Variants in STK31 observed in about 807,000 individuals in gnomAD.
STK31 encodes the protein serine/threonine-protein kinase 31.
In STK31, 89 loss-of-function variants were observed where a neutral mutation model predicts 129.7. The ratio of observed to expected loss-of-function variants is 0.69; its 90% CI spans 0.58 to 0.82. The LOEUF (loss-of-function observed/expected upper bound fraction) is 0.82. Ranked by LOEUF, STK31 falls within the 40% of genes least tolerant of loss-of-function variation. The pLI, the probability that STK31 is intolerant of heterozygous loss-of-function variation, is 0.00. For missense variants in STK31, 1,187 were observed against 1,176.4 expected (o/e 1.01, Z -0.13); for synonymous variants, 448 against 395.3 (o/e 1.13, Z -1.58).
chr7:23,752,259 A>G (rs768023006), intron 8 of STK31, among the ~76,000 whole-genome samples: 2 of 152,180 alleles, frequency 1.3e-5, no homozygotes, highest in Non-Finnish European at 2.9e-5. Context: ...TGAAGCCTTC[A>G]TTCTTTATTT....
intron 4 of STK31, among the ~76,000 whole-genome samples, chr7:23,720,538 C>T (rs1290486056): frequency 1.3e-5 from 2 of 151,982 alleles, no homozygotes; most frequent in African/African-American, 4.8e-5. Flanking sequence ...ATTCTAAATA[C>T]ACTTTTAAAA....
chr7:23,741,788 A>G (rs949332242), intron 8 of STK31, among the ~76,000 whole-genome samples: 7 of 152,194 alleles, frequency 4.6e-5, no homozygotes, highest in Admixed American at 4.6e-4. Context: ...ACTCAAGTGT[A>G]AGTCTCACAG....
chr7:23,820,361 C>T (rs1793725966), intron 23 of STK31, among the ~76,000 whole-genome samples: 1 of 152,158 alleles, frequency 6.6e-6, no homozygotes, highest in African/African-American at 2.4e-5. Context: ...GATGTGGAAA[C>T]TGCAGATAGG....
chr7:23,725,116 T>A (rs1322402460), intron 4 of STK31, among the ~76,000 whole-genome samples: 2 of 152,148 alleles, frequency 1.3e-5, no homozygotes, highest in Non-Finnish European at 2.9e-5. Context: ...ATATAATAAC[T>A]ATGTTATCAG....
chr7:23,767,179 C>T (rs991190911), intron 11 of STK31, among the ~76,000 whole-genome samples: 4 of 152,152 alleles, frequency 2.6e-5, no homozygotes, highest in African/African-American at 9.7e-5. Flanking sequence ...GGGCCATTGA[C>T]ACTGATTTTG....
chr7:23,719,066 T>C (rs1584321155), intron 4 of STK31, among the ~76,000 whole-genome samples: 1 of 152,118 alleles, frequency 6.6e-6, no homozygotes, highest in South Asian at 2.1e-4. Context: ...GGAAGGGGTC[T>C]TGTGAAGTAC....
At chr7:23,811,573 C>G (rs1793133605) in intron 22 of STK31, 1 of 201,822 alleles carries the variant, frequency 5.0e-6, no homozygotes, top group Non-Finnish European at 1.1e-5. Flanking sequence ...TCTCCCCCTC[C>G]AGGCACAGCC....
chr7:23,799,721 A>T (rs1437534049), intron 22 of STK31, among the ~76,000 whole-genome samples: 2 of 152,194 alleles, frequency 1.3e-5, no homozygotes, highest in Non-Finnish European at 2.9e-5. Flanking sequence ...CTGGCAACAA[A>T]TGCCAAAATT....
At chr7:23,754,870 G>T (rs918939322) in intron 10 of STK31, among the ~76,000 whole-genome samples, 1 of 152,178 alleles carries the variant, frequency 6.6e-6, no homozygotes, top group Non-Finnish European at 1.5e-5. Context: ...TGGTGTATAT[G>T]TACCACATTT....
chr7:23,793,949 G>A (rs180912641), intron 22 of STK31, among the ~76,000 whole-genome samples: 1 of 152,330 alleles, frequency 6.6e-6, no homozygotes, highest in Admixed American at 6.5e-5. Context: ...AAGAATTTAT[G>A]TGTAATAGAT....
chr7:23,810,931 GTGTGTAT>G (rs902898408), intron 22 of STK31, among the ~76,000 whole-genome samples: 9 of 104,088 alleles, frequency 8.6e-5, no homozygotes, highest in Non-Finnish European at 1.4e-4. Context: ...ATATATGTGT[GTGTGTAT>G]ATACACACAC....
At chr7:23,817,901 A>G (rs1208729765) in intron 23 of STK31, among the ~76,000 whole-genome samples, 1 of 151,868 alleles carries the variant, frequency 6.6e-6, no homozygotes, top group African/African-American at 2.4e-5. Context: ...GTTAGTCCAA[A>G]TAAGTTTAAA....
chr7:23,716,272 A>G lies in STK31; in HGVS notation c.151-1209A>G, dbSNP rs2128061659. Among the ~76,000 whole-genome samples, 2 of 152,332 alleles carry G rather than the reference A, an allele frequency of 1.3e-5. 1 individual carries two copies. The highest frequency in any genetic ancestry group is 4.1e-4 in the South Asian group (2 of 4,834). ...TTTGATGATTTCTTATGAATAGATT[A>G]GCAAGAGTTCCACAGAAGTGATATT... On this transcript the variant is annotated intron_variant, in intron 3 of 23. Transcript: ENST00000355870.
At chr7:23,732,000 C>T (rs1173016912) in intron 6 of STK31, among the ~76,000 whole-genome samples, 1 of 152,080 alleles carries the variant, frequency 6.6e-6, no homozygotes, top group Non-Finnish European at 1.5e-5. Context: ...AAACCAGTGA[C>T]CAGATTTATT....
At chr7:23,808,056 C>G (rs1584480127) in intron 22 of STK31, among the ~76,000 whole-genome samples, 1 of 151,002 alleles carries the variant, frequency 6.6e-6, no homozygotes, top group Non-Finnish European at 1.5e-5. Flanking sequence ...TTTTCTCAGT[C>G]AAGTTGAGAT....
At position 23,832,308 on chromosome 7, in the gene STK31, A is replaced by G. The variant is rs748133474; in HGVS notation, c.3002A>G (p.Glu1001Gly). Reference protein sequence around the residue: ...LYKKEEEIKTENLDKCMEKTR... With the variant: ...LYKKEEEIKTGNLDKCMEKTR... ...AAAAAGGAAGAAGAAATAAAGACGG[A>G]GAACTTGGATAAATGTATGGAGAAG... Residue 1001 changes from glutamate (E) to glycine (G), a missense_variant, in exon 24 of 24, where the codon GAG becomes GGG. Coordinates refer to ENST00000355870, the MANE Select transcript of STK31 (RefSeq NM_031414.5). The G allele has an allele frequency of 1.9e-6, 3 of 1,613,948 alleles. No individual in the cohort carries two copies. The highest frequency in any genetic ancestry group is 2.5e-6 in the Non-Finnish European group (3 of 1,179,980).
At chr7:23,748,520 C>G (rs1033629921) in intron 8 of STK31, among the ~76,000 whole-genome samples, 5 of 152,102 alleles carry the variant, frequency 3.3e-5, no homozygotes, top group Non-Finnish European at 7.4e-5. Context: ...TCAGTTATGC[C>G]TGCCTCTCCA....
At chr7:23,818,457 G>C (rs887436269) in intron 23 of STK31, among the ~76,000 whole-genome samples, 16 of 152,080 alleles carry the variant, frequency 1.1e-4, no homozygotes, top group African/African-American at 3.9e-4. Flanking sequence ...AGTGTGTTCA[G>C]GCAGAAAATT....
At chr7:23,715,047 T>G (rs540368364) in intron 3 of STK31, among the ~76,000 whole-genome samples, 2 of 152,276 alleles carry the variant, frequency 1.3e-5, no homozygotes, top group South Asian at 2.1e-4. Context: ...GATTAAACAT[T>G]AAAACTACTA....
Sources: gnomAD v4.1 joint callset for allele counts (sites outside exome capture counted in the v4.1 genomes callset) on GRCh38, gnomAD v4.1.1 for gene constraint, MANE v1.5 for transcripts, NCBI Gene and HGNC (gene_info 2026-07-23, HGNC 2026-07-21) for gene names.